Variants in ZFHX3 observed in about 807,000 individuals in gnomAD.
ZFHX3 encodes the protein zinc finger homeobox 3, also known as zinc finger homeobox protein 3.
Under a neutral mutation model 279.1 loss-of-function variants are expected in ZFHX3, and 42 were observed. The ratio of observed to expected loss-of-function variants is 0.15; its 90% CI spans 0.12 to 0.19. The LOEUF is 0.19. Ranked by LOEUF, ZFHX3 falls within the 10% of genes least tolerant of loss-of-function variation. The pLI is 1.00. For missense variants in ZFHX3, 4,981 were observed against 4,754.0 expected, an observed-to-expected ratio of 1.05 and a Z score of -1.40; for synonymous variants, 2,293 against 1,957.8, an observed-to-expected ratio of 1.17 and a Z score of -4.52.
At chr16:73,725,087 G>T (rs1331798788) in intron 1 of ZFHX3, among the ~76,000 whole-genome samples, 1 of 152,158 alleles carries the variant, frequency 6.6e-6, no homozygotes, top group Non-Finnish European at 1.5e-5. Flanking sequence ...AAGGGCCTCA[G>T]TCGAGATGTA....
intron 1 of ZFHX3, among the ~76,000 whole-genome samples, chr16:72,990,072 C>T (rs558650547): frequency 6.6e-6 from 1 of 152,096 alleles, no homozygotes; most frequent in Admixed American, 6.5e-5. Flanking sequence ...TTTTTTCCCC[C>T]CACCGTTTCT....
intron 1 of ZFHX3, among the ~76,000 whole-genome samples, chr16:73,722,478 C>G (rs2053482946): frequency 6.6e-6 from 1 of 152,214 alleles, no homozygotes; most frequent in Admixed American, 6.5e-5. Context: ...AATTAAACTT[C>G]TTTCAAATGC....
intron 2 of ZFHX3, among the ~76,000 whole-genome samples, chr16:73,572,794 C>A (rs2051755552): frequency 6.6e-6 from 1 of 152,186 alleles, no homozygotes; most frequent in Non-Finnish European, 1.5e-5. Context: ...CTCCCAATTA[C>A]AGGGAACCCT....
intron 4 of ZFHX3, among the ~76,000 whole-genome samples, chr16:73,303,833 A>G (rs1317546932): frequency 6.6e-6 from 1 of 152,102 alleles, no homozygotes; most frequent in Non-Finnish European, 1.5e-5. Flanking sequence ...GATTTGGACT[A>G]CAAATGTGGC....
intron 3 of ZFHX3, among the ~76,000 whole-genome samples, chr16:72,904,419 T>TAAATAAATAAAA (rs1479283893): frequency 7.2e-6 from 1 of 139,196 alleles, no homozygotes; most frequent in South Asian, 2.3e-4. Context: ...AATAAATAAA[T>TAAATAAATAAAA]AAAAATTGTG....
At chr16:73,768,527 T>C (rs892793105) in intron 1 of ZFHX3, among the ~76,000 whole-genome samples, 2 of 152,206 alleles carry the variant, frequency 1.3e-5, no homozygotes, top group Admixed American at 6.5e-5. Context: ...TACCTCTCAA[T>C]AGGAAAAGAG....
At chr16:73,226,052 G>A (rs988533061) in intron 5 of ZFHX3, among the ~76,000 whole-genome samples, 6 of 152,114 alleles carry the variant, frequency 3.9e-5, no homozygotes, top group Admixed American at 2.6e-4. Context: ...TAAAATACAC[G>A]ACTTAATGAA....
intron 4 of ZFHX3, among the ~76,000 whole-genome samples, chr16:72,843,513 TAAAAAAAAAAA>T (rs59007764): frequency 2.0e-4 from 8 of 39,446 alleles, no homozygotes; most frequent in Non-Finnish European, 3.2e-4. Flanking sequence ...AGACTCCGTC[TAAAAAAAAAAA>T]AAAAAAAAAA....
chr16:73,322,977 A>T (rs1041553206), intron 3 of ZFHX3, among the ~76,000 whole-genome samples: 1 of 152,200 alleles, frequency 6.6e-6, no homozygotes, highest in Non-Finnish European at 1.5e-5. Context: ...TTGTTTACAT[A>T]TTGTCTATGG....
chr16:73,868,661 C>CA (rs1285461251), intron 1 of ZFHX3, among the ~76,000 whole-genome samples: 6 of 152,208 alleles, frequency 3.9e-5, no homozygotes, highest in Non-Finnish European at 2.9e-5. Flanking sequence ...AAGGACAACT[C>CA]CTTAGACACT....
chr16:73,644,784 G>C (rs2052603806), intron 2 of ZFHX3, among the ~76,000 whole-genome samples: 1 of 152,174 alleles, frequency 6.6e-6, no homozygotes, highest in Non-Finnish European at 1.5e-5. Context: ...CCTCCAAATA[G>C]GTAGAGGCTC....
At chr16:73,032,858 T>A (rs1964758998) in intron 1 of ZFHX3, among the ~76,000 whole-genome samples, 1 of 152,146 alleles carries the variant, frequency 6.6e-6, no homozygotes, top group African/African-American at 2.4e-5. Flanking sequence ...TCAGACCCTT[T>A]AAGCATATAA....
chr16:73,424,732 A>T (rs1372918447), intron 3 of ZFHX3, among the ~76,000 whole-genome samples: 1 of 129,160 alleles, frequency 7.7e-6, no homozygotes, highest in African/African-American at 3.0e-5. Flanking sequence ...TGAGTCTGGG[A>T]GACAGAGTGA....
At chr16:73,078,252 G>A (rs1239968867) in intron 8 of ZFHX3, among the ~76,000 whole-genome samples, 1 of 152,054 alleles carries the variant, frequency 6.6e-6, no homozygotes, top group African/African-American at 2.4e-5. Flanking sequence ...GAAATCTCAG[G>A]GCTTCATAAA....
intron 1 of ZFHX3, among the ~76,000 whole-genome samples, chr16:73,821,248 T>TA (rs1426724834): frequency 6.6e-6 from 1 of 152,200 alleles, no homozygotes; most frequent in East Asian, 1.9e-4. Context: ...TCCAGAGTCA[T>TA]AAAATCAGCT....
At chr16:73,325,928 A>ACACACAAACACACACAC (rs1567451240) in intron 3 of ZFHX3, among the ~76,000 whole-genome samples, 3 of 145,492 alleles carry the variant, frequency 2.1e-5, no homozygotes, top group Non-Finnish European at 4.5e-5. Flanking sequence ...CACACACACA[A>ACACACAAACACACACAC]ACACACACAC....
chr16:73,426,604 G>C (rs1243823244), intron 3 of ZFHX3, among the ~76,000 whole-genome samples: 1 of 152,022 alleles, frequency 6.6e-6, no homozygotes, highest in Non-Finnish European at 1.5e-5. Flanking sequence ...GTGAGAGAGA[G>C]AGCCATTCAT....
chr16:73,656,827 A>G (rs1017033445), intron 2 of ZFHX3, among the ~76,000 whole-genome samples: 4 of 152,250 alleles, frequency 2.6e-5, no homozygotes, highest in Non-Finnish European at 5.9e-5. Flanking sequence ...CATTCTTTCT[A>G]AATTTCAAAC....
rs2035797014 is a variant in ZFHX3 at position 72,793,816 on chromosome 16, G to C, written c.8866C>G (p.Leu2956Val). 1 of 1,614,196 alleles carries C rather than the reference G, an allele frequency of 6.2e-7. No homozygotes were observed. The change falls in exon 9 of 10, where the codon CTG becomes GTG. Residue 2956 changes from leucine (L) to valine (V), a missense_variant. Coordinates refer to ENST00000268489, the MANE Select transcript of ZFHX3 (RefSeq NM_006885.4). The surrounding 1 kb of genome is among the most constrained non-coding windows in gnomAD (Gnocchi z 4.3). ...CATGACTTGAGGACCTTCAGCTGCA[G>C]ATTGGTCATTTGAGTGCGAAAACGT... The part of the protein sequence containing the change: ...QKRFRTQMTN[L>V]QLKVLKSCFN...
Sources: allele counts gnomAD v4.1 joint callset (sites outside exome capture counted in the v4.1 genomes callset), GRCh38; gene constraint gnomAD v4.1.1; non-coding constraint Gnocchi (gnomAD v3.1); transcripts MANE v1.5; gene names NCBI Gene and HGNC (gene_info 2026-07-23, HGNC 2026-07-21).